CHIC1: variants seen among roughly 807,000 people sequenced by gnomAD.
CHIC1 encodes cysteine-rich hydrophobic domain-containing protein 1.
CHIC1 carries 7 observed loss-of-function variants against 18.5 expected under a neutral mutation model. The observed-to-expected ratio is 0.38, with a 90% CI of 0.22 to 0.71. CHIC1 has a LOEUF of 0.71. CHIC1 is among the 30% of genes least tolerant of loss of function. The pLI is 0.49. For missense variants in CHIC1, 159 were observed against 176.9 expected (o/e 0.90, Z 0.57); for synonymous variants, 77 against 73.5 (o/e 1.05, Z -0.25).
At chrX:73,605,748 A>G (rs1455298903) in intron 3 of CHIC1, among the ~76,000 whole-genome samples, 7 of 108,557 alleles carry the variant, frequency 6.4e-5, no homozygotes, top group Non-Finnish European at 7.5e-5. Context: ...TCCTTCACTT[A>G]TGATGCTTAG....
chrX:73,668,307 C>G (rs936208824), intron 3 of CHIC1, among the ~76,000 whole-genome samples: 14 of 111,838 alleles, frequency 1.3e-4, no homozygotes, highest in African/African-American at 4.6e-4. Flanking sequence ...TTACAACATG[C>G]TCCTTTAGCT....
chrX:73,673,733 C>G (rs1452233397), intron 3 of CHIC1, among the ~76,000 whole-genome samples: 1 of 111,375 alleles, frequency 9.0e-6, no homozygotes, highest in African/African-American at 3.3e-5. Context: ...AATTGAATAC[C>G]CTTTATTTCC....
intron 1 of CHIC1, among the ~76,000 whole-genome samples, chrX:73,565,473 G>T (rs1030158742): frequency 9.8e-5 from 11 of 111,693 alleles, no homozygotes; most frequent in African/African-American, 2.9e-4. Flanking sequence ...GAGCATGCGG[G>T]TAGTACTGTT....
At chrX:73,648,305 C>G (rs889675559) in intron 3 of CHIC1, among the ~76,000 whole-genome samples, 4 of 112,042 alleles carry the variant, frequency 3.6e-5, no homozygotes, top group African/African-American at 9.7e-5. Context: ...CAGAGTGCCT[C>G]TTTTCCTCCA....
intron 3 of CHIC1, among the ~76,000 whole-genome samples, chrX:73,651,081 C>T (rs900061844): frequency 8.9e-6 from 1 of 111,812 alleles, no homozygotes; most frequent in Admixed American, 9.5e-5. Flanking sequence ...GAACCAAAGA[C>T]AAAAACCACA....
chrX:73,637,107 A>T (rs1300067465), intron 3 of CHIC1, among the ~76,000 whole-genome samples: 1 of 110,960 alleles, frequency 9.0e-6, no homozygotes, highest in African/African-American at 3.3e-5. Context: ...AGAACGTCTT[A>T]ATTTTTCCTT....
chrX:73,567,722 GA>G (rs925832210), intron 1 of CHIC1, among the ~76,000 whole-genome samples: 3 of 110,375 alleles, frequency 2.7e-5, no homozygotes, highest in African/African-American at 9.9e-5. Flanking sequence ...AGAGCATACA[GA>G]AATGGACCCT....
intron 3 of CHIC1, among the ~76,000 whole-genome samples, chrX:73,598,195 C>CA (rs1022352643): frequency 1.1e-4 from 12 of 111,066 alleles, no homozygotes; most frequent in African/African-American, 3.9e-4. Context: ...GCAATTGCCA[C>CA]ACTGTCTTCC....
rs1006174113 is a variant in CHIC1 at position 73,577,708 on chromosome X, AT to A, written c.351+255del. 6.4e-5 allele frequency among the ~76,000 whole-genome samples: 7 copies of A among 108,563 alleles called. No individual in the cohort carries two copies. The Admixed American group carries it at 6.8e-4, about 11-fold the overall frequency. The allele number at this position is 108,563 out of a possible 115,157, so 94.3% of individuals were successfully genotyped here. On this transcript the variant is annotated intron_variant, in intron 2 of 5. Coordinates refer to ENST00000373502, the MANE Select transcript of CHIC1 (RefSeq NM_001039840.4). ...GTCCGTTCAGCTTTTTCACTTTTGC[AT>A]TTTTTTTCTCAGCATAGGTAGCTAT...
intron 3 of CHIC1, among the ~76,000 whole-genome samples, chrX:73,675,074 G>A (rs1388034388): frequency 8.9e-6 from 1 of 112,075 alleles, no homozygotes; most frequent in Non-Finnish European, 1.9e-5. Context: ...CTGAGTTCTA[G>A]TTTGATTGCA....
chrX:73,653,292 G>C (rs766111866), intron 3 of CHIC1, among the ~76,000 whole-genome samples: 1 of 111,337 alleles, frequency 9.0e-6, no homozygotes, highest in East Asian at 2.8e-4. Context: ...CATGGTACAC[G>C]TATACCTATG....
intron 3 of CHIC1, among the ~76,000 whole-genome samples, chrX:73,639,901 G>A (rs1484558843): frequency 8.9e-6 from 1 of 112,010 alleles, no homozygotes; most frequent in African/African-American, 3.2e-5. Context: ...CTTTGCTGAA[G>A]TTGTTTATCA....
At chrX:73,665,531 A>T (rs769990265) in intron 3 of CHIC1, among the ~76,000 whole-genome samples, 1 of 111,571 alleles carries the variant, frequency 9.0e-6, no homozygotes, top group East Asian at 2.8e-4. Context: ...CAATACTTTT[A>T]TATACTGTTG....
At chrX:73,636,604 T>C (rs765318963) in intron 3 of CHIC1, among the ~76,000 whole-genome samples, 1 of 112,014 alleles carries the variant, frequency 8.9e-6, no homozygotes, top group South Asian at 3.7e-4. Flanking sequence ...TGCTTTCCCT[T>C]ACTACCATTT....
intron 1 of CHIC1, among the ~76,000 whole-genome samples, chrX:73,568,887 G>GGAATGC (rs1320132307): frequency 9.0e-6 from 1 of 111,588 alleles, no homozygotes; most frequent in Non-Finnish European, 1.9e-5. Context: ...ATCAGGGAAT[G>GGAATGC]GAATGCCTTT....
chrX:73,617,192 C>T (rs751779823), intron 3 of CHIC1, among the ~76,000 whole-genome samples: 13 of 111,749 alleles, frequency 1.2e-4, no homozygotes, highest in Non-Finnish European at 2.3e-4. Flanking sequence ...GGCAAAATGC[C>T]GCCAGTCTCT....
Position 73,655,419 on chromosome X carries a change from A to G in CHIC1, c.508-23907A>G, listed in dbSNP as rs182856816. 3.6e-4 allele frequency among the ~76,000 whole-genome samples: 32 copies of G among 89,158 alleles called. 1 individual carries two copies. Among genetic ancestry groups the G allele is most frequent in the Admixed American group, 2.7e-3 (21 of 7,811 alleles). The allele number at this position is 89,158 out of a possible 115,157, so 77.4% of individuals were successfully genotyped here. A position where few individuals can be genotyped will look rare whatever the true frequency, so the allele number is the denominator to read the frequency against. On this transcript the variant is annotated intron_variant, in intron 3 of 5. Coordinates refer to ENST00000373502, the MANE Select transcript of CHIC1 (RefSeq NM_001039840.4). ...TGTACATATATATACAATATTGTGT[A>G]TATATAGTGTGTGTATATATATACA...
intron 3 of CHIC1, among the ~76,000 whole-genome samples, chrX:73,657,404 A>G (rs1021232075): frequency 2.7e-5 from 3 of 111,485 alleles, no homozygotes; most frequent in African/African-American, 9.8e-5. Flanking sequence ...GAGTTCATTC[A>G]TGATTTGGCT....
rs1434818520 is a variant in CHIC1, at chrX:73,584,446, T to C, written c.381T>C (p.Ile127=). Residue 127 remains isoleucine, a synonymous_variant, in exon 3 of 6, where the codon ATT becomes ATC. Transcript: ENST00000373502. The stretch of plus-strand genomic sequence containing the variant: ...CCCCAGAAGAATTTAAAACCAGCAT[T>C]GGCCGTGTGAATGCATGTTTGAAAA... The part of the protein sequence containing the change: ...KVAPEEFKTS[I]GRVNACLKKA... 1 of 1,185,515 alleles carries C rather than the reference T, an allele frequency of 8.4e-7. No individual in the cohort carries two copies.
Sources: gnomAD v4.1 joint callset for allele counts (sites outside exome capture counted in the v4.1 genomes callset) on GRCh38, gnomAD v4.1.1 for gene constraint, MANE v1.5 for transcripts, NCBI Gene and HGNC (gene_info 2026-07-23, HGNC 2026-07-21) for gene names.